FHIP1B: variants seen among roughly 807,000 people sequenced by gnomAD.
The protein encoded by FHIP1B is FHF complex subunit HOOK-interacting protein 1B.
A neutral mutation model predicts 82.2 loss-of-function variants in FHIP1B; 28 were observed. That is an observed-to-expected ratio of 0.34 (90% CI 0.25 to 0.47). The LOEUF is 0.47. Ranked by LOEUF, FHIP1B falls within the 20% of genes least tolerant of loss-of-function variation. The pLI is 1.00. For missense variants in FHIP1B, 1,110 were observed against 1,262.6 expected (o/e 0.88, Z 1.83); for synonymous variants, 585 against 516.1 (o/e 1.13, Z -1.81).
chr11:6,230,538 C>T (rs913596370), intron 1 of FHIP1B, among the ~76,000 whole-genome samples: 3 of 152,224 alleles, frequency 2.0e-5, no homozygotes, highest in African/African-American at 7.2e-5. Context: ...ATCCCTCAGA[C>T]AAATGGGATG....
chr11:6,223,238 C>G lies in FHIP1B; in HGVS notation c.778G>C (p.Val260Leu). 1 of 1,584,050 alleles carries G rather than the reference C, an allele frequency of 6.3e-7. No homozygotes were observed. The highest frequency in any genetic ancestry group is 8.5e-7 in the Non-Finnish European group (1 of 1,173,020). The change falls in exon 4 of 12, where the codon GTG (valine) becomes CTG (leucine). Residue 260 changes from valine to leucine, a missense_variant and splice_region_variant. Physicochemically the swap from Val to Leu is conservative, Grantham distance 32. Coordinates refer to ENST00000449352, the MANE Select transcript of FHIP1B (RefSeq NM_001098794.2). The surrounding 1 kb of genome is among the most constrained non-coding windows in gnomAD (Gnocchi z 4.8). The stretch of plus-strand genomic sequence containing the variant: ...AGGGCACTGAGCCCTGTGGCCAGCA[C>G]CTATGAGAAGTTACCAAAAGCTCAT... ...YIADHSYFCP[V>L]LATGLSALYS...
intron 1 of FHIP1B, among the ~76,000 whole-genome samples, chr11:6,225,915 C>T (rs58303090): frequency 0.015 from 2,318 of 152,220 alleles, 55 homozygotes; most frequent in African/African-American, 0.052. Context: ...AACCCAAACT[C>T]GCTCCCAAGA....
At chr11:6,233,120 G>T (rs1847743013) in intron 1 of FHIP1B, among the ~76,000 whole-genome samples, 1 of 152,112 alleles carries the variant, frequency 6.6e-6, no homozygotes, top group African/African-American at 2.4e-5. Flanking sequence ...CAATATGGAG[G>T]CCTGTCTGGA....
rs767728796 is a variant in FHIP1B, at chr11:6,224,025, T to C, written c.362A>G (p.Asp121Gly). The change falls in exon 3 of 12, where the codon GAT becomes GGT. Residue 121 changes from aspartate (D) to glycine (G), a missense_variant. Coordinates refer to ENST00000449352, the MANE Select transcript of FHIP1B (RefSeq NM_001098794.2). Reference protein sequence around the residue: ...TWQLQWDELGDGVEERRAEQL... With the variant: ...TWQLQWDELGGGVEERRAEQL... ...CTCAGCCCGCCGTTCCTCGACCCCATCCCCAAGCTCATCCCATTGCAGCTG... is the reference window on the plus strand; with the variant it reads ...CTCAGCCCGCCGTTCCTCGACCCCACCCCCAAGCTCATCCCATTGCAGCTG... The C allele has an allele frequency of 1.9e-6, 3 of 1,613,784 alleles. No homozygotes were observed. In the South Asian group the frequency reaches 3.3e-5, roughly 18 times the overall value.
chr11:6,215,097 C>T (rs1847189384), intron 9 of FHIP1B, 186 bp from the exon 10 acceptor site: 2 of 489,542 alleles, frequency 4.1e-6, no homozygotes, highest in South Asian at 8.2e-5. Context: ...CCATATGGAC[C>T]CACAAGATTC....
In FHIP1B at chr11:6,223,624, A is replaced by G; in HGVS notation, c.763T>C (p.Ser255Pro). The change falls in exon 3 of 12, where the codon TCT becomes CCT. Residue 255 changes from serine (S) to proline (P), a missense_variant. Transcript: ENST00000449352. The surrounding 1 kb of genome is among the most constrained non-coding windows in gnomAD (Gnocchi z 4.8). ...PTVGRYIADH[S>P]YFCPVLATGL... is the part of the protein sequence containing the mutation. ...GGGGTGCTAACCGGGCAGAAGTAAG[A>G]GTGATCCGCGATGTAGCGGCCCACA... 6.3e-7 allele frequency: 1 copy of G among 1,594,262 alleles called. No individual in the cohort carries two copies. The highest frequency in any genetic ancestry group is 8.6e-7 in the Non-Finnish European group (1 of 1,169,242).
intron 5 of FHIP1B, 74 bp downstream of exon 5, chr11:6,222,737 C>G: frequency 6.4e-7 from 1 of 1,555,248 alleles, no homozygotes; most frequent in Non-Finnish European, 8.9e-7. Context: ...CCCACCGCCT[C>G]CTACGTTAGT....
chr11:6,218,924 C>CT (rs772902652), intron 7 of FHIP1B, 47 bp downstream of exon 7: 28 of 1,603,952 alleles, frequency 1.7e-5, no homozygotes, highest in Non-Finnish European at 2.3e-5. Flanking sequence ...GCATAAGACT[C>CT]TGAGGCTTCA....
At chr11:6,220,365 C>A (rs1847372974) in intron 6 of FHIP1B, among the ~76,000 whole-genome samples, 1 of 152,080 alleles carries the variant, frequency 6.6e-6, no homozygotes, top group African/African-American at 2.4e-5. Flanking sequence ...ACACAGACCC[C>A]ACCCCCCAAA....
chr11:6,213,590 A>G (rs1292911307), intron 11 of FHIP1B, among the ~76,000 whole-genome samples: 1 of 152,232 alleles, frequency 6.6e-6, no homozygotes, highest in Non-Finnish European at 1.5e-5. Context: ...TGTACTAAAG[A>G]CAATGCCCGG....
At chr11:6,216,121 C>A (rs1590608804) in intron 9 of FHIP1B, among the ~76,000 whole-genome samples, 1 of 152,180 alleles carries the variant, frequency 6.6e-6, no homozygotes, top group Admixed American at 6.5e-5. Context: ...AAAACCTGCA[C>A]GCTATCACCT....
At chr11:6,221,362 C>CA (rs1273105352) in intron 6 of FHIP1B, among the ~76,000 whole-genome samples, 5 of 151,860 alleles carry the variant, frequency 3.3e-5, no homozygotes, top group Non-Finnish European at 2.9e-5. Context: ...AAAAAGGAAG[C>CA]AAAAATGGTC....
chr11:6,223,409 A>G lies in FHIP1B; in HGVS notation c.778-171T>C, dbSNP rs144550650. ...AAACTCACCTAGAATTCACAGGCCT[A>G]CAAAGAGACTTAGTATCTGCCCTAT... On this transcript the variant is annotated intron_variant, in intron 3 of 11. Transcript: ENST00000449352. This position sits in a 1 kb window ranked among gnomAD's most constrained non-coding sequence, Gnocchi z 4.8. Among the ~76,000 whole-genome samples, 193 of 152,330 alleles carry G rather than the reference A, an allele frequency of 1.3e-3. No individual in the cohort carries two copies. Among genetic ancestry groups the G allele is most frequent in the Non-Finnish European group, 2.2e-3 (151 of 68,024 alleles).
At chr11:6,212,492 C>A (rs1251112553) in intron 11 of FHIP1B, among the ~76,000 whole-genome samples, 1 of 152,194 alleles carries the variant, frequency 6.6e-6, no homozygotes, top group Non-Finnish European at 1.5e-5. Context: ...ATGCTCTTCA[C>A]CATTCACCAC....
At chr11:6,216,910 C>T in intron 9 of FHIP1B, 1 of 604,682 alleles carries the variant, frequency 1.7e-6, no homozygotes, top group South Asian at 2.0e-5. Context: ...CCTTAGGCCC[C>T]AGGAGAGCTG....
At chr11:6,219,838 T>G (rs767182306) in intron 6 of FHIP1B, among the ~76,000 whole-genome samples, 13 of 152,342 alleles carry the variant, frequency 8.5e-5, no homozygotes, top group Non-Finnish European at 1.3e-4. Context: ...TCTAGGGCAC[T>G]ACCTGAACAG....
At chr11:6,218,192 G>A in intron 8 of FHIP1B, 42 bp from the exon 9 acceptor site, 1 of 1,571,046 alleles carries the variant, frequency 6.4e-7, no homozygotes, top group Non-Finnish European at 8.6e-7. Flanking sequence ...GGAGACAGAG[G>A]TTCAGAAGGA....
chr11:6,222,191 A>G (rs749673980), intron 6 of FHIP1B, among the ~76,000 whole-genome samples: 1 of 152,248 alleles, frequency 6.6e-6, no homozygotes, highest in Non-Finnish European at 1.5e-5. Flanking sequence ...ACCTATAGTC[A>G]TGATGAACAG....
In FHIP1B at chr11:6,211,952, G is replaced by A. The variant is rs1847086166; in HGVS notation, c.2558-85C>T. On this transcript the variant is annotated intron_variant, in intron 11 of 11. Coordinates refer to ENST00000449352, the MANE Select transcript of FHIP1B (RefSeq NM_001098794.2). ...GAGGGGAGATTCCCCCACCCCCTAG[G>A]TTCTTGGACTTCTCCTTTAGGGTTC... The A allele has an allele frequency of 4.1e-6, 6 of 1,475,040 alleles. No individual in the cohort carries two copies. In the Admixed American group the frequency reaches 1.5e-4, roughly 37 times the overall value. 91.4% of individuals were successfully genotyped at this position (1,475,040 alleles called of 1,614,324 possible). A position where few individuals can be genotyped will look rare whatever the true frequency, so the allele number is the denominator to read the frequency against.
Sources: allele counts gnomAD v4.1 joint callset (sites outside exome capture counted in the v4.1 genomes callset), GRCh38; gene constraint gnomAD v4.1.1; non-coding constraint Gnocchi (gnomAD v3.1); transcripts MANE v1.5; gene names NCBI Gene and HGNC (gene_info 2026-07-23, HGNC 2026-07-21).